The following NBEA variants were observed in gnomAD, a reference collection of about 807,000 sequenced individuals.
NBEA encodes the protein lysosomal-trafficking regulator 2.
Under a neutral mutation model 343.4 loss-of-function variants are expected in NBEA, and 44 were observed. The ratio of observed to expected loss-of-function variants is 0.13; its 90% CI spans 0.10 to 0.16. The LOEUF (loss-of-function observed/expected upper bound fraction) is 0.16. Ranked by LOEUF, NBEA falls within the 10% of genes least tolerant of loss-of-function variation. NBEA has a pLI of 1.00. For missense variants in NBEA, 2,555 were observed against 3,631.3 expected (o/e 0.70, Z 7.62); for synonymous variants, 1,175 against 1,238.7 (o/e 0.95, Z 1.08).
intron 39 of NBEA, among the ~76,000 whole-genome samples, chr13:35,439,348 T>C (rs1005695204): frequency 2.6e-5 from 4 of 152,202 alleles, no homozygotes; most frequent in Non-Finnish European, 5.9e-5. Context: ...AGACAGTGAC[T>C]TACTGAGTCT....
rs2059068279 is a variant in NBEA at position 34,942,788 on chromosome 13, G to A, written c.-33G>A. The A allele has an allele frequency of 1.5e-6, 2 of 1,314,858 alleles. No individual in the cohort carries two copies. Among genetic ancestry groups the A allele is most frequent in the South Asian group, 2.1e-5 (1 of 48,486 alleles). The allele number at this position is 1,314,858 out of a possible 1,614,324, so 81.4% of individuals were successfully genotyped here. A position where few individuals can be genotyped will look rare whatever the true frequency, so the allele number is the denominator to read the frequency against. ...TAACGGTACCGGCGGCGGCAGCGCC[G>A]CTGCTCTTCCCTTCTCCTCAGGAGG... On this transcript the variant is annotated 5_prime_UTR_variant, in exon 1 of 59. Transcript: ENST00000379939.
intron 1 of NBEA, among the ~76,000 whole-genome samples, chr13:35,021,083 A>G (rs2061822651): frequency 6.6e-6 from 1 of 151,928 alleles, no homozygotes; most frequent in Non-Finnish European, 1.5e-5. Flanking sequence ...TATAAAGTCT[A>G]ATTTGTCTGA....
intron 49 of NBEA, among the ~76,000 whole-genome samples, chr13:35,634,071 G>T (rs375319640): frequency 6.6e-6 from 1 of 152,030 alleles, no homozygotes; most frequent in Non-Finnish European, 1.5e-5. Flanking sequence ...TAGGCCAGGC[G>T]CTGTGGCTCA....
rs751211901 is a variant in NBEA, at chr13:35,070,860, T to C, written c.1571+8T>C. On this transcript the variant is annotated splice_region_variant and intron_variant, in intron 10 of 58. Coordinates refer to ENST00000379939, the MANE Select transcript of NBEA (RefSeq NM_001385012.1). Reference sequence around the variant, plus strand: ...AGTGGAAACAACTGTCTGGTAAGTTTTCTTTGCATGTACAATTGCTGGTAT... The same window carrying C: ...AGTGGAAACAACTGTCTGGTAAGTTCTCTTTGCATGTACAATTGCTGGTAT... 9 of 1,609,588 alleles carry C rather than the reference T, an allele frequency of 5.6e-6. No homozygotes were observed. The highest frequency in any genetic ancestry group is 7.6e-6 in the Non-Finnish European group (9 of 1,178,258).
intron 28 of NBEA, among the ~76,000 whole-genome samples, chr13:35,177,808 A>G (rs1471877054): frequency 6.6e-6 from 1 of 151,714 alleles, no homozygotes; most frequent in African/African-American, 2.4e-5. Context: ...ATTCTTATCT[A>G]GTTGTTGATT....
At chr13:35,297,371 A>G (rs1454440646) in intron 35 of NBEA, among the ~76,000 whole-genome samples, 3 of 152,034 alleles carry the variant, frequency 2.0e-5, no homozygotes, top group Admixed American at 6.6e-5. Context: ...ATGCTCTTAT[A>G]TGTGATTAAG....
At position 35,667,546 on chromosome 13, in the gene NBEA, A is replaced by T. The variant is rs753973059; in HGVS notation, c.8637A>T (p.Gln2879His). 1 of 1,613,884 alleles carries T rather than the reference A, an allele frequency of 6.2e-7. No individual in the cohort carries two copies. Among genetic ancestry groups the T allele is most frequent in the Admixed American group, 1.7e-5 (1 of 60,008 alleles). Reference sequence around the variant, plus strand: ...GCATTAATGGGAAACTTTTGGCTCAAATGGAGATCAATGATTCAACACGGG... The same window carrying T: ...GCATTAATGGGAAACTTTTGGCTCATATGGAGATCAATGATTCAACACGGG... Reference protein sequence around the residue: ...NFSINGKLLAQMEINDSTRAI... With the variant: ...NFSINGKLLAHMEINDSTRAI... The change falls in exon 57 of 59, where the codon CAA becomes CAT. Residue 2879 changes from glutamine (Q) to histidine (H), a missense_variant. By Grantham distance (24) the Gln-to-His change is conservative (BLOSUM62 0). Transcript: ENST00000379939.
At chr13:35,024,125 T>G (rs1446096438) in intron 1 of NBEA, among the ~76,000 whole-genome samples, 1 of 152,202 alleles carries the variant, frequency 6.6e-6, no homozygotes, top group Non-Finnish European at 1.5e-5. Context: ...ATAATTTGCT[T>G]AGGATAATAG....
intron 34 of NBEA, among the ~76,000 whole-genome samples, chr13:35,253,701 T>G (rs916299346): frequency 6.6e-5 from 10 of 152,238 alleles, no homozygotes; most frequent in Admixed American, 4.6e-4. Context: ...ATCTAGATTG[T>G]CTTTGTACTA....
chr13:35,550,454 TC>T, intron 41 of NBEA, 22 bp from the exon 42 acceptor site: 1 of 1,383,624 alleles, frequency 7.2e-7, no homozygotes, highest in South Asian at 1.2e-5. Flanking sequence ...GATTGACACT[TC>T]CCTTTAAACT....
In NBEA at chr13:35,655,725, A is replaced by G; in HGVS notation, c.8338A>G (p.Ile2780Val). The G allele has an allele frequency of 6.2e-7, 1 of 1,613,808 alleles. No homozygotes were observed. The highest frequency in any genetic ancestry group is 8.5e-7 in the Non-Finnish European group (1 of 1,179,806). ...LLWYWSGRHH[I>V]IGDNPNSSDY... Reference sequence around the variant, plus strand: ...CTGGTACTGGAGTGGGCGGCACCATATCATAGGAGACAACCCTAACAGCAG... The same window carrying G: ...CTGGTACTGGAGTGGGCGGCACCATGTCATAGGAGACAACCCTAACAGCAG... The change falls in exon 55 of 59, where the codon ATC (isoleucine) becomes GTC (valine). Residue 2780 changes from isoleucine (I) to valine (V), a missense_variant. Physicochemically the swap from Ile to Val is conservative, Grantham distance 29. Coordinates refer to ENST00000379939, the MANE Select transcript of NBEA (RefSeq NM_001385012.1).
chr13:34,968,878 TTAA>T, intron 1 of NBEA, among the ~76,000 whole-genome samples: 1 of 152,118 alleles, frequency 6.6e-6, no homozygotes, highest in Non-Finnish European at 1.5e-5. Context: ...ATATCAATTA[TTAA>T]TATCAATTGA....
intron 2 of NBEA, among the ~76,000 whole-genome samples, chr13:35,043,080 A>G (rs1007333996): frequency 6.6e-6 from 1 of 151,816 alleles, no homozygotes; most frequent in African/African-American, 2.4e-5. Context: ...GTCTATAATA[A>G]AATTAAACTG....
chr13:35,124,599 T>G (rs1385926371), intron 17 of NBEA, among the ~76,000 whole-genome samples: 1 of 149,998 alleles, frequency 6.7e-6, no homozygotes, highest in Non-Finnish European at 1.5e-5. Context: ...CATATATGGA[T>G]ATATATACAC....
intron 38 of NBEA, among the ~76,000 whole-genome samples, chr13:35,417,575 G>T (rs1239484579): frequency 1.3e-5 from 2 of 152,232 alleles, no homozygotes; most frequent in South Asian, 2.1e-4. Context: ...CTGAGTTCTA[G>T]TTTGATTGCA....
At chr13:35,348,421 A>G (rs2152862380) in intron 36 of NBEA, among the ~76,000 whole-genome samples, 1 of 152,238 alleles carries the variant, frequency 6.6e-6, no homozygotes, top group African/African-American at 2.4e-5. Context: ...TTTGGTGACT[A>G]GGGGACATAG....
chr13:35,182,948 T>G (rs1171792960), intron 29 of NBEA, among the ~76,000 whole-genome samples: 3 of 151,936 alleles, frequency 2.0e-5, no homozygotes, highest in East Asian at 3.9e-4. Context: ...ATTTTTTTCT[T>G]TTTTAGCTGT....
chr13:35,340,953 A>G (rs1277702347), intron 36 of NBEA, among the ~76,000 whole-genome samples: 1 of 152,122 alleles, frequency 6.6e-6, no homozygotes, highest in Non-Finnish European at 1.5e-5. Flanking sequence ...TATTAAAAGA[A>G]TAAATTTGGA....
At chr13:35,286,237 AATTGGGATCTT>A (rs769910084) in intron 34 of NBEA, among the ~76,000 whole-genome samples, 10 of 152,132 alleles carry the variant, frequency 6.6e-5, no homozygotes, top group Admixed American at 2.0e-4. Flanking sequence ...TTTTTGAATG[AATTGGGATCTT>A]ATTCTAAAAA....
Sources: gnomAD v4.1 joint callset for allele counts (sites outside exome capture counted in the v4.1 genomes callset) on GRCh38, gnomAD v4.1.1 for gene constraint, MANE v1.5 for transcripts, NCBI Gene and HGNC (gene_info 2026-07-23, HGNC 2026-07-21) for gene names.